The following USP6 variants were observed in gnomAD, a reference collection of about 807,000 sequenced individuals.
USP6 encodes ubiquitin carboxyl-terminal hydrolase 6.
Under a neutral mutation model 175.7 loss-of-function variants are expected in USP6, and 128 were observed. The ratio of observed to expected loss-of-function variants is 0.73; its 90% CI spans 0.63 to 0.84. The LOEUF is 0.84. Among genes scored for constraint, USP6 ranks in the 40% least tolerant of loss-of-function variants. The pLI is 0.00. For missense variants in USP6, 1,498 were observed against 1,760.3 expected, an observed-to-expected ratio of 0.85 and a Z score of 2.67; for synonymous variants, 562 against 630.6, an observed-to-expected ratio of 0.89 and a Z score of 1.63.
chr17:5,157,755 C>T (rs865994917), intron 31 of USP6, among the ~76,000 whole-genome samples: 20 of 152,162 alleles, frequency 1.3e-4, no homozygotes, highest in South Asian at 1.2e-3. Flanking sequence ...CTCAGCCTCC[C>T]GAGTAGCTGG....
rs77223335 is a variant in USP6 at position 5,140,796 on chromosome 17, G to T, written c.1499-629G>T. 1.7e-3 allele frequency among the ~76,000 whole-genome samples: 262 copies of T among 152,274 alleles called. 1 individual carries two copies. The highest frequency in any genetic ancestry group is 6.2e-3 in the African/African-American group (257 of 41,542). ...CACACCTGGGCTGAATGGTAGAGCT[G>T]ATTACTCATACACAAGGGTAGACCT... On this transcript the variant is annotated intron_variant, in intron 22 of 37. Transcript: ENST00000574788.
At position 5,146,154 on chromosome 17, in the gene USP6, G is replaced by A. The variant is rs770383049; in HGVS notation, c.2299G>A (p.Val767Ile). The A allele has an allele frequency of 1.2e-6, 2 of 1,610,228 alleles. No homozygotes were observed. Among genetic ancestry groups the A allele is most frequent in the Admixed American group, 3.4e-5 (2 of 59,304 alleles). Reference protein sequence around the residue: ...LNSEQILLAEVHDSNIKNFPQ... With the variant: ...LNSEQILLAEIHDSNIKNFPQ... The stretch of plus-strand genomic sequence containing the variant: ...TTCAGAACAAATCCTACTAGCAGAA[G>A]TACATGATTCCAACATAAAGGTAAT... The change falls in exon 28 of 38, where the codon GTA (valine) becomes ATA (isoleucine). Residue 767 changes from valine to isoleucine, a missense_variant. Physicochemically the swap from Val to Ile is conservative, Grantham distance 29. This residue lies in a region of USP6 where 1,217 missense variants were observed against 1,500.8 expected (regional missense o/e 0.81). Transcript: ENST00000574788.
At chr17:5,168,556 G>A (rs1043718336) in intron 34 of USP6, among the ~76,000 whole-genome samples, 4 of 152,264 alleles carry the variant, frequency 2.6e-5, no homozygotes, top group African/African-American at 9.6e-5. Context: ...ACACTGCTGA[G>A]TTGAGCGCGT....
At chr17:5,165,613 GA>G (rs948823453) in intron 33 of USP6, among the ~76,000 whole-genome samples, 2 of 150,802 alleles carry the variant, frequency 1.3e-5, no homozygotes, top group African/African-American at 2.4e-5. Context: ...AAACAAAAAA[GA>G]AAAAAAAATT....
chr17:5,128,643 A>G (rs1392049931), intron 7 of USP6: 2 of 152,514 alleles, frequency 1.3e-5, no homozygotes, highest in Non-Finnish European at 2.9e-5. Flanking sequence ...CCACATACAC[A>G]TGTGCACGCA....
At position 5,171,666 on chromosome 17, in the gene USP6, A is replaced by G. The variant is rs1310481180; in HGVS notation, c.4034A>G (p.Asp1345Gly). The G allele has an allele frequency of 1.2e-6, 2 of 1,613,636 alleles. No homozygotes were observed. The highest frequency in any genetic ancestry group is 1.7e-6 in the Non-Finnish European group (2 of 1,179,762). ...NPNCKWYCYNDSSCEELHPDE... is the reference protein window; with the variant it reads ...NPNCKWYCYNGSSCEELHPDE... ...AACTGCAAGTGGTACTGTTATAATG[A>G]CAGCAGCTGTGAGGTAAACATTCTC... The change falls in exon 37 of 38, where the codon GAC (aspartate) becomes GGC (glycine). Residue 1345 changes from aspartate (D) to glycine (G), a missense_variant. Physicochemically the swap from Asp to Gly is moderately conservative, Grantham distance 94. Around this residue, in one of 2 missense-constraint regions of USP6, gnomAD observed 1,217 missense variants for 1,500.8 expected, o/e 0.81. Transcript: ENST00000574788.
At position 5,164,431 on chromosome 17, in the gene USP6, AT is replaced by A. The variant is rs767244712; in HGVS notation, c.3036+1431del. Among the ~76,000 whole-genome samples, 245 of 152,362 alleles carry A rather than the reference AT, an allele frequency of 1.6e-3. 1 individual carries two copies. The highest frequency in any genetic ancestry group is 2.1e-3 in the Non-Finnish European group (141 of 68,042). ...TCATGCTCACTAGCAAGGAGGGAAAATTTTACGAGTTGATAGATTCATAAAT... is the reference window on the plus strand; with the variant it reads ...TCATGCTCACTAGCAAGGAGGGAAAATTTACGAGTTGATAGATTCATAAAT... On this transcript the variant is annotated intron_variant, in intron 33 of 37. Transcript: ENST00000574788.
intron 33 of USP6, among the ~76,000 whole-genome samples, chr17:5,163,877 G>A (rs1359497006): frequency 6.6e-6 from 1 of 152,140 alleles, no homozygotes; most frequent in Non-Finnish European, 1.5e-5. Context: ...CATCTCAATG[G>A]CCGCTCTTCA....
intron 21 of USP6, 137 bp from the exon 22 acceptor site, chr17:5,139,118 A>C: frequency 6.3e-7 from 1 of 1,596,986 alleles, no homozygotes; most frequent in Non-Finnish European, 8.5e-7. Flanking sequence ...AGCAGACTAC[A>C]GGCGTGTCGT....
rs62076286 is a variant in USP6 at position 5,116,034 on chromosome 17, A to G, written c.-2634A>G. Among the ~76,000 whole-genome samples, 9,188 of 152,280 alleles carry G rather than the reference A, an allele frequency of 0.06. 280 individuals are homozygous for G. The highest frequency in any genetic ancestry group is 0.095 in the Admixed American group (1,455 of 15,300). ...AAGGCACGGAGGCCAGGCAGAGGGG[A>G]CAGCTAGCGGCGCGGCGGGACGGGC... On this transcript the variant is annotated 5_prime_UTR_variant, in exon 1 of 38. Transcript: ENST00000574788.
chr17:5,162,068 T>G (rs1301109810), intron 32 of USP6, among the ~76,000 whole-genome samples: 1 of 152,252 alleles, frequency 6.6e-6, no homozygotes, highest in Non-Finnish European at 1.5e-5. Flanking sequence ...CTTTTGAGAC[T>G]TAGCTGGTTT....
intron 32 of USP6, among the ~76,000 whole-genome samples, chr17:5,161,984 C>A (rs1193521622): frequency 6.6e-6 from 1 of 152,274 alleles, no homozygotes; most frequent in East Asian, 1.9e-4. Context: ...TGCACTCCAG[C>A]CTGGGCAACA....
At position 5,173,011 on chromosome 17, in the gene USP6, G is replaced by A. The variant is rs752326800; in HGVS notation, c.*33G>A. The A allele has an allele frequency of 1.2e-6, 2 of 1,605,746 alleles. No individual in the cohort carries two copies. Among genetic ancestry groups the A allele is most frequent in the Non-Finnish European group, 1.7e-6 (2 of 1,173,736 alleles). ...ACTCTGGCTGCTAGACAGCTTGGTG[G>A]CGAGGGAGATGACTCCTTGTAGCTG... On this transcript the variant is annotated 3_prime_UTR_variant, in exon 38 of 38. Coordinates refer to ENST00000574788, the MANE Select transcript of USP6 (RefSeq NM_001304284.2).
At chr17:5,138,534 T>C (rs1297924690) in intron 21 of USP6, among the ~76,000 whole-genome samples, 2 of 151,702 alleles carry the variant, frequency 1.3e-5, no homozygotes, top group Non-Finnish European at 2.9e-5. Flanking sequence ...CTTTCCACGG[T>C]GTCTCGCTCT....
In USP6 at chr17:5,133,967, T is replaced by G; in HGVS notation, c.465T>G (p.His155Gln). ...ACGTGAGGACGACTCTCCGGAACCA[T>G]GTCTTCTTTAGGGATCGATATGGAG... ...DLDVRTTLRNHVFFRDRYGAK... is the reference protein window; with the variant it reads ...DLDVRTTLRNQVFFRDRYGAK... Residue 155 changes from histidine to glutamine, a missense_variant, in exon 15 of 38, where the codon CAT becomes CAG. This residue lies in a region of USP6 where 281 missense variants were observed against 259.6 expected (regional missense o/e 1.08). Coordinates refer to ENST00000574788, the MANE Select transcript of USP6 (RefSeq NM_001304284.2). 6.2e-7 allele frequency: 1 copy of G among 1,614,112 alleles called. No individual in the cohort carries two copies. The highest frequency in any genetic ancestry group is 8.5e-7 in the Non-Finnish European group (1 of 1,180,000).
Position 5,139,691 on chromosome 17 carries a change from C to G in USP6, c.1498+17C>G. ...GCGGAGAGGGTGAGGTTGGCTTTCA[C>G]TGCACTGAGCCACAATGTGGGCATG... On this transcript the variant is annotated intron_variant, in intron 22 of 37. Transcript: ENST00000574788. 1 of 1,603,306 alleles carries G rather than the reference C, an allele frequency of 6.2e-7. No individual in the cohort carries two copies. The highest frequency in any genetic ancestry group is 1.1e-5 in the South Asian group (1 of 91,046).
chr17:5,135,246 A>G lies in USP6; in HGVS notation c.507A>G (p.Leu169=). The G allele has an allele frequency of 6.2e-7, 1 of 1,612,934 alleles. No individual in the cohort carries two copies. The highest frequency in any genetic ancestry group is 8.5e-7 in the Non-Finnish European group (1 of 1,179,144). The part of the protein sequence containing the change: ...RDRYGAKQRE[L]FYILLAYSEY... ...CTGTGTTTCCTAGGCAGAGGGAACT[A>G]TTCTACATCCTCCTGGCCTATTCGG... is the stretch of plus-strand genomic sequence containing the variant. Residue 169 remains leucine, a synonymous_variant, in exon 16 of 38, where the codon CTA becomes CTG. Coordinates refer to ENST00000574788, the MANE Select transcript of USP6 (RefSeq NM_001304284.2).
At chr17:5,172,220 C>A (rs1048759023) in intron 37 of USP6, among the ~76,000 whole-genome samples, 33 of 150,344 alleles carry the variant, frequency 2.2e-4, no homozygotes, top group Admixed American at 4.0e-4. Flanking sequence ...AAGCTCCTAT[C>A]TTCTAGACTG....
chr17:5,166,278 T>G (rs1260603644), intron 33 of USP6, among the ~76,000 whole-genome samples: 1 of 152,224 alleles, frequency 6.6e-6, no homozygotes, highest in Non-Finnish European at 1.5e-5. Flanking sequence ...TAAGTTCCCC[T>G]TTTTAAATGA....
Sources: gnomAD v4.1 joint callset for allele counts (sites outside exome capture counted in the v4.1 genomes callset) on GRCh38, gnomAD v4.1.1 for gene constraint, gnomAD v4.1.1 regional missense constraint, MANE v1.5 for transcripts, NCBI Gene and HGNC (gene_info 2026-07-23, HGNC 2026-07-21) for gene names.